Variants in NRG1 observed in about 807,000 individuals in gnomAD.
NRG1 encodes neuregulin 1.
In NRG1, 18 loss-of-function variants were observed where a neutral mutation model predicts 63.8. That is an observed-to-expected ratio of 0.28 (90% confidence interval 0.19 to 0.42). The LOEUF (loss-of-function observed/expected upper bound fraction) is 0.42. Among genes scored for constraint, NRG1 ranks in the 10% least tolerant of loss-of-function variants. The pLI, the probability that NRG1 is intolerant of heterozygous loss-of-function variation, is 1.00. For missense variants in NRG1, 762 were observed against 814.7 expected (o/e 0.94, Z 0.79); for synonymous variants, 302 against 301.3 (o/e 1.00, Z -0.02).
chr8:32,689,087 A>G (rs1161536578), intron 5 of NRG1, among the ~76,000 whole-genome samples: 1 of 152,156 alleles, frequency 6.6e-6, no homozygotes, highest in African/African-American at 2.4e-5. Flanking sequence ...CTAAAAAGCA[A>G]CCGTACAGCC....
At chr8:31,719,841 A>AT (rs141147282) in intron 1 of NRG1, among the ~76,000 whole-genome samples, 37,978 of 149,882 alleles carry the variant, frequency 0.25, 4,855 homozygotes, top group Admixed American at 0.28. Context: ...TGGGATTATG[A>AT]TTTTTTTTTT....
rs575906531 is a variant in NRG1 at position 31,864,938 on chromosome 8, A to G, written c.37+225507A>G. 9.2e-5 allele frequency among the ~76,000 whole-genome samples: 14 copies of G among 152,208 alleles called. No homozygotes were observed. The South Asian group carries it at 2.9e-3, about 32-fold the overall frequency. On this transcript the variant is annotated intron_variant, in intron 1 of 10. Transcript: ENST00000519301. ...CACCACTGACCTCTCTGTTTTTTCT[A>G]ACTTTCTCAAAAATGCTACGTTCAC...
intron 1 of NRG1, among the ~76,000 whole-genome samples, chr8:32,298,700 G>A (rs1855190691): frequency 7.3e-6 from 1 of 137,604 alleles, no homozygotes; most frequent in South Asian, 2.3e-4. Context: ...GGCAACAAGA[G>A]CGAAACTCAG....
chr8:32,529,982 G>A (rs904325589), intron 1 of NRG1, among the ~76,000 whole-genome samples: 1 of 152,172 alleles, frequency 6.6e-6, no homozygotes, highest in Non-Finnish European at 1.5e-5. Flanking sequence ...TAATTGCACG[G>A]ACTAGCCCTT....
chr8:32,244,192 T>C (rs1455262448), intron 1 of NRG1, among the ~76,000 whole-genome samples: 1 of 152,176 alleles, frequency 6.6e-6, no homozygotes, highest in Non-Finnish European at 1.5e-5. Context: ...ATAAAACATA[T>C]TGAAAAACGT....
intron 1 of NRG1, among the ~76,000 whole-genome samples, chr8:31,933,036 A>G (rs1220744235): frequency 6.6e-6 from 1 of 152,204 alleles, no homozygotes; most frequent in East Asian, 1.9e-4. Flanking sequence ...AGTAATTCAG[A>G]TTTCCTATAA....
chr8:32,294,224 G>A (rs1854572671), intron 1 of NRG1, among the ~76,000 whole-genome samples: 1 of 151,890 alleles, frequency 6.6e-6, no homozygotes. Context: ...ACATGGAGCA[G>A]GTGTCCGAAA....
At chr8:32,275,968 T>C (rs1398066300) in intron 1 of NRG1, among the ~76,000 whole-genome samples, 1 of 152,216 alleles carries the variant, frequency 6.6e-6, no homozygotes, top group Non-Finnish European at 1.5e-5. Context: ...TCAGTGCATG[T>C]ATACAGTGTG....
chr8:32,244,920 A>G (rs1848462851), intron 1 of NRG1, among the ~76,000 whole-genome samples: 1 of 152,182 alleles, frequency 6.6e-6, no homozygotes, highest in Admixed American at 6.5e-5. Flanking sequence ...CCCTGAGCAT[A>G]CCAGTCCAGC....
rs75545810 is a variant in NRG1 at position 32,570,599 on chromosome 8, A to G, written c.100+21773A>G. Among the ~76,000 whole-genome samples, 377 of 152,288 alleles carry G rather than the reference A, an allele frequency of 2.5e-3. 3 individuals carry two copies. In the South Asian group the frequency reaches 0.037, roughly 15 times the overall value. On this transcript the variant is annotated intron_variant, in intron 1 of 11. Coordinates refer to ENST00000356819, the Ensembl canonical transcript of NRG1. ...AATAAGTGGTTTGCTCCACTCTATC[A>G]TTAAGCTTGTTAAGATGAATAAAAA...
intron 1 of NRG1, among the ~76,000 whole-genome samples, chr8:31,733,162 A>G (rs774702450): frequency 0.03 from 3,025 of 101,892 alleles, 110 homozygotes; most frequent in African/African-American, 0.094. Context: ...TTTTTTTTTT[A>G]TGGCTGAATA....
intron 5 of NRG1, among the ~76,000 whole-genome samples, chr8:32,690,316 G>A (rs1456197483): frequency 2.0e-5 from 3 of 148,802 alleles, no homozygotes; most frequent in Non-Finnish European, 4.5e-5. Flanking sequence ...TTATCCCCCC[G>A]CCCCCCACAG....
At chr8:32,086,944 A>G (rs910399291) in intron 1 of NRG1, among the ~76,000 whole-genome samples, 14 of 152,208 alleles carry the variant, frequency 9.2e-5, no homozygotes, top group Admixed American at 2.6e-4. Flanking sequence ...AGTGTTCAAT[A>G]TAGCATTGTT....
intron 1 of NRG1, among the ~76,000 whole-genome samples, chr8:31,751,678 A>T (rs76934920): frequency 6.6e-6 from 1 of 152,124 alleles, no homozygotes; most frequent in East Asian, 1.9e-4. Flanking sequence ...CTTTCACTTC[A>T]ATCATCTGGA....
At chr8:31,923,207 T>G (rs1309625597) in intron 1 of NRG1, among the ~76,000 whole-genome samples, 24 of 152,212 alleles carry the variant, frequency 1.6e-4, no homozygotes, top group Admixed American at 1.6e-3. Context: ...TTTTTTTAAA[T>G]CACAAGTAAG....
chr8:31,742,715 T>C (rs1158173001), intron 1 of NRG1, among the ~76,000 whole-genome samples: 1 of 151,898 alleles, frequency 6.6e-6, no homozygotes, highest in Non-Finnish European at 1.5e-5. Flanking sequence ...TAGCAGCTCA[T>C]TTTCAAAAGG....
At chr8:32,312,162 T>TG (rs1856885902) in intron 1 of NRG1, among the ~76,000 whole-genome samples, 1 of 128,300 alleles carries the variant, frequency 7.8e-6, no homozygotes, top group Admixed American at 7.8e-5. Context: ...TGTTTGTTTT[T>TG]TTTTTTTTTT....
chr8:31,724,445 CT>C (rs1813226028), intron 1 of NRG1, among the ~76,000 whole-genome samples: 1 of 152,096 alleles, frequency 6.6e-6, no homozygotes, highest in African/African-American at 2.4e-5. Context: ...AAGAGAGAAA[CT>C]TGTGTTTCTT....
intron 1 of NRG1, among the ~76,000 whole-genome samples, chr8:32,413,391 T>C (rs1358497999): frequency 6.6e-6 from 1 of 152,178 alleles, no homozygotes; most frequent in African/African-American, 2.4e-5. Context: ...TAACTAAATA[T>C]ACTGTATGCT....
Sources: allele counts gnomAD v4.1 joint callset (sites outside exome capture counted in the v4.1 genomes callset), GRCh38; gene constraint gnomAD v4.1.1; transcripts MANE v1.5; gene names NCBI Gene and HGNC (gene_info 2026-07-23, HGNC 2026-07-21).